The following ATM variants were observed in gnomAD, a reference collection of about 807,000 sequenced individuals.
ATM encodes the protein serine-protein kinase ATM.
A neutral mutation model predicts 387.0 loss-of-function variants in ATM; 308 were observed. The ratio of observed to expected loss-of-function variants is 0.80; its 90% CI spans 0.73 to 0.87. The LOEUF is 0.87. ATM is among the 40% of genes least tolerant of loss of function. The pLI, the probability that ATM is intolerant of heterozygous loss-of-function variation, is 0.00. For synonymous variants in ATM, 1,156 were observed against 1,187.3 expected, an observed-to-expected ratio of 0.97 and a Z score of 0.54; for missense variants, 3,312 against 3,560.9, an observed-to-expected ratio of 0.93 and a Z score of 1.78.
intron 50 of ATM, 122 bp downstream of exon 50, chr11:108,330,543 T>C (rs1000459192): frequency 1.7e-5 from 16 of 963,718 alleles, no homozygotes; most frequent in South Asian, 2.7e-5. Flanking sequence ...GCTCTACACA[T>C]AAGTAGCATT....
intron 61 of ATM, among the ~76,000 whole-genome samples, chr11:108,358,899 A>G (rs1360624302): frequency 1.3e-5 from 2 of 152,122 alleles, no homozygotes; most frequent in Admixed American, 6.6e-5. Flanking sequence ...AACGAACAAA[A>G]TCACCAGCTA....
chr11:108,247,004 CTT>C lies in ATM; in HGVS notation c.943_944del (p.Leu315IlefsTer2), dbSNP rs768024233. 1.2e-6 allele frequency: 2 copies of C among 1,612,918 alleles called. No homozygotes were observed. The highest frequency in any genetic ancestry group is 1.7e-6 in the Non-Finnish European group (2 of 1,179,194). ...CAAAATGGAGAAGTATTTTATACAA[CTT>C]ATATGATCTGCTAGTGAATGAGATA... ...STKWRSILYN[L>X]YDLLVNEISH... On this transcript the variant is annotated frameshift_variant, in exon 8 of 63. Transcript: ENST00000675843. LOFTEE classifies it high-confidence loss of function.
intron 20 of ATM, among the ~76,000 whole-genome samples, chr11:108,271,782 ATACT>A (rs1350871136): frequency 2.0e-5 from 3 of 152,254 alleles, no homozygotes; most frequent in African/African-American, 4.8e-5. Context: ...TAACACCCTG[ATACT>A]TACAGAGGAG....
intron 4 of ATM, among the ~76,000 whole-genome samples, chr11:108,232,728 C>A (rs1214104475): frequency 6.6e-6 from 1 of 151,366 alleles, no homozygotes; most frequent in African/African-American, 2.4e-5. Flanking sequence ...TTAGTAGAGA[C>A]GAGGGTTTTG....
At position 108,257,552 on chromosome 11, in the gene ATM, T is replaced by C. The variant is rs769575297; in HGVS notation, c.2322T>C (p.Gly774=). ...KNKTNEEFRI[G]SLRNMMQLCT... is the part of the protein sequence containing the mutation. ...AGACAAATGAGGAATTCAGAATTGG[T>C]TCCTTGAGAAATATGATGCAGCTAT... The change falls in exon 15 of 63, where the codon GGT becomes GGC. Residue 774 remains glycine (G), a synonymous_variant. Transcript: ENST00000675843. The C allele has an allele frequency of 6.2e-6, 10 of 1,613,958 alleles. No homozygotes were observed. The Admixed American group carries it at 1.7e-4, about 27-fold the overall frequency.
chr11:108,335,396 GTGTC>G, intron 55 of ATM: 2 of 825,990 alleles, frequency 2.4e-6, no homozygotes, highest in Non-Finnish European at 3.5e-6. Context: ...AAATACTTTG[GTGTC>G]TGTCTCTTAT....
chr11:108,254,113 G>T, intron 13 of ATM, 74 bp downstream of exon 13: 4 of 1,454,194 alleles, frequency 2.8e-6, no homozygotes, highest in Non-Finnish European at 3.8e-6. Flanking sequence ...GGAGAAATAG[G>T]GGCAGGAAAA....
chr11:108,352,084 G>A (rs967816018), intron 59 of ATM, among the ~76,000 whole-genome samples: 55 of 152,136 alleles, frequency 3.6e-4, no homozygotes, highest in African/African-American at 1.3e-3. Context: ...CCTGAGTCTC[G>A]TAATAACTAA....
intron 17 of ATM, among the ~76,000 whole-genome samples, chr11:108,267,629 C>T (rs912246756): frequency 5.3e-5 from 8 of 152,040 alleles, no homozygotes; most frequent in Non-Finnish European, 8.8e-5. Flanking sequence ...GAGGCCAAGG[C>T]GGGCTGATCA....
chr11:108,353,927 T>C, intron 60 of ATM, 47 bp downstream of exon 60: 1 of 1,532,034 alleles, frequency 6.5e-7, no homozygotes, highest in African/African-American at 1.4e-5. Flanking sequence ...GATGTCAAAA[T>C]TACATGGGCT....
rs2089498194 is a variant in ATM at position 108,353,802 on chromosome 11, C to G, written c.8708C>G (p.Pro2903Arg). 6.2e-7 allele frequency: 1 copy of G among 1,614,090 alleles called. No individual in the cohort carries two copies. Reference sequence around the variant, plus strand: ...GAACAGGGCAAAATCCTTCCTACTCCTGAGACAGTTCCTTTTAGACTCACC... The same window carrying G: ...GAACAGGGCAAAATCCTTCCTACTCGTGAGACAGTTCCTTTTAGACTCACC... ...AFEQGKILPT[P>R]ETVPFRLTRD... Residue 2903 changes from proline to arginine, a missense_variant, in exon 60 of 63, where the codon CCT (proline) becomes CGT (arginine). Transcript: ENST00000675843.
intron 3 of ATM, among the ~76,000 whole-genome samples, chr11:108,228,338 G>A (rs1310966675): frequency 1.3e-5 from 2 of 152,112 alleles, no homozygotes; most frequent in African/African-American, 4.8e-5. Context: ...AAAATACCTC[G>A]AACAATGAAA....
chr11:108,348,469 G>A (rs1041009022), intron 59 of ATM, among the ~76,000 whole-genome samples: 4 of 150,328 alleles, frequency 2.7e-5, no homozygotes, highest in Non-Finnish European at 5.9e-5. Flanking sequence ...AATATATCAA[G>A]TTTTGTAAAT....
chr11:108,347,050 AT>A lies in ATM; in HGVS notation c.8585-222del, dbSNP rs771962507. Among the ~76,000 whole-genome samples, 4 of 152,208 alleles carry A rather than the reference AT, an allele frequency of 2.6e-5. No homozygotes were observed. In the South Asian group the frequency reaches 8.3e-4, roughly 32 times the overall value. ...ATGTGTGCCTATTAGTAAAGAGAAA[AT>A]TTTTTTAGCAAATCATCTAGGATTT... On this transcript the variant is annotated intron_variant, in intron 58 of 62. Transcript: ENST00000675843.
intron 60 of ATM, 98 bp downstream of exon 60, chr11:108,353,978 G>A (rs2089546038): frequency 2.6e-6 from 3 of 1,172,066 alleles, no homozygotes; most frequent in Non-Finnish European, 1.3e-6. Flanking sequence ...CTGCTCAAGA[G>A]GCTGAAGTGG....
At chr11:108,302,772 T>G in intron 35 of ATM, 81 bp from the exon 36 acceptor site, 1 of 1,313,486 alleles carries the variant, frequency 7.6e-7, no homozygotes, top group Non-Finnish European at 1.1e-6. Flanking sequence ...TTCAGAAAGA[T>G]TTGTTATACT....
intron 44 of ATM, among the ~76,000 whole-genome samples, chr11:108,320,751 T>C (rs4988092): frequency 5.8e-4 from 88 of 152,318 alleles, no homozygotes; most frequent in Non-Finnish European, 9.4e-4. Context: ...TTAGGAGTGC[T>C]GAGCCCCTCC....
intron 42 of ATM, among the ~76,000 whole-genome samples, chr11:108,316,471 C>G (rs557446062): frequency 6.6e-6 from 1 of 152,196 alleles, no homozygotes; most frequent in East Asian, 1.9e-4. Context: ...AACTATTTCT[C>G]ATAGTTTGCA....
chr11:108,227,568 ATATACC>A, intron 1 of ATM, 21 bp from the exon 2 acceptor site: 1 of 1,365,870 alleles, frequency 7.3e-7, no homozygotes, highest in Non-Finnish European at 1.0e-6. Context: ...ATATACATAT[ATATACC>A]TATATGTATT....
Sources: gnomAD v4.1 joint callset for allele counts (sites outside exome capture counted in the v4.1 genomes callset) on GRCh38, gnomAD v4.1.1 for gene constraint, MANE v1.5 for transcripts, NCBI Gene and HGNC (gene_info 2026-07-23, HGNC 2026-07-21) for gene names.